Variants in GRIA4 observed in about 807,000 individuals in gnomAD.
GRIA4 encodes the protein glutamate ionotropic receptor AMPA type subunit 4.
In GRIA4, 34 loss-of-function variants were observed where a neutral mutation model predicts 104.0. The observed-to-expected ratio is 0.33, with a 90% CI of 0.25 to 0.44. The LOEUF (loss-of-function observed/expected upper bound fraction) is 0.44, where lower values mean the gene tolerates loss of function less well. GRIA4 is among the 20% of genes least tolerant of loss of function. The pLI is 1.00. For missense variants in GRIA4, 750 were observed against 1,096.5 expected (o/e 0.68, Z 4.46); for synonymous variants, 386 against 381.9 (o/e 1.01, Z -0.13).
At chr11:105,753,316 T>G in intron 4 of GRIA4, 96 bp downstream of exon 4, 62 of 1,050,810 alleles carry the variant, frequency 5.9e-5, no homozygotes, top group Non-Finnish European at 8.6e-5. Context: ...GTTTGATCTC[T>G]AACATCACTA....
chr11:105,631,024 C>T (rs1314239249), intron 3 of GRIA4, among the ~76,000 whole-genome samples: 1 of 152,172 alleles, frequency 6.6e-6, no homozygotes, highest in Non-Finnish European at 1.5e-5. Flanking sequence ...CCCAAAGATT[C>T]TTTCTCACTT....
intron 3 of GRIA4, among the ~76,000 whole-genome samples, chr11:105,740,541 G>A (rs1190911991): frequency 6.6e-6 from 1 of 152,206 alleles, no homozygotes; most frequent in African/African-American, 2.4e-5. Flanking sequence ...ACTTCTTCTT[G>A]TGGAACGTGT....
At position 105,611,456 on chromosome 11, in the gene GRIA4, G is replaced by GA. The variant is rs200157578; in HGVS notation, c.88+381dup. ...AGTGATGTCGAGTTTGTTTAAAAAA[G>GA]AAAAAAAAAATCCACTTCTTCCCAT... On this transcript the variant is annotated intron_variant, in intron 2 of 16. Coordinates refer to ENST00000282499, the MANE Select transcript of GRIA4 (RefSeq NM_000829.4). 5.4e-3 allele frequency among the ~76,000 whole-genome samples: 804 copies of GA among 147,896 alleles called. 3 individuals are homozygous for GA. The highest frequency in any genetic ancestry group is 0.016 in the African/African-American group (658 of 40,336).
chr11:105,961,661 A>T (rs1163354970), intron 14 of GRIA4, among the ~76,000 whole-genome samples: 1 of 152,226 alleles, frequency 6.6e-6, no homozygotes, highest in Non-Finnish European at 1.5e-5. Context: ...AATCTAAAAC[A>T]TTTCCAAAAA....
intron 3 of GRIA4, among the ~76,000 whole-genome samples, chr11:105,638,152 G>A (rs78124801): frequency 2.6e-5 from 4 of 152,100 alleles, no homozygotes; most frequent in African/African-American, 9.7e-5. Context: ...GCAAGAATGC[G>A]ATTATGAAAA....
rs76060628 is a variant in GRIA4 at position 105,767,236 on chromosome 11, G to A, written c.487+14016G>A. 1.8e-3 allele frequency among the ~76,000 whole-genome samples: 278 copies of A among 152,234 alleles called. 6 individuals are homozygous for A. The East Asian group carries it at 0.042, about 23-fold the overall frequency. On this transcript the variant is annotated intron_variant, in intron 4 of 16. Transcript: ENST00000282499. ...TGGGGGAGGGTGGTCAGGAGCTTCT[G>A]AGGCCCGCTAATGAATGATCAGGAA...
chr11:105,774,974 C>T (rs1336295668), intron 4 of GRIA4, among the ~76,000 whole-genome samples: 1 of 152,108 alleles, frequency 6.6e-6, no homozygotes, highest in Non-Finnish European at 1.5e-5. Flanking sequence ...AAATTAGTTT[C>T]GCTAGGCTAA....
In GRIA4 at chr11:105,981,068, T is replaced by C. The variant is rs1436097096; in HGVS notation, c.*1329T>C. On this transcript the variant is annotated 3_prime_UTR_variant, in exon 17 of 17. Coordinates refer to ENST00000282499, the MANE Select transcript of GRIA4 (RefSeq NM_000829.4). Reference sequence around the variant, plus strand: ...ATCATATGAAGGCATTCATAATAGCTTGGGGTAGATAACAAATGAAGAATT... The same window carrying C: ...ATCATATGAAGGCATTCATAATAGCCTGGGGTAGATAACAAATGAAGAATT... 3 of 152,664 alleles carry C rather than the reference T, an allele frequency of 2.0e-5. No individual in the cohort carries two copies. The highest frequency in any genetic ancestry group is 2.0e-4 in the Admixed American group (3 of 15,278). The allele number at this position is 152,664 out of a possible 1,614,324, so 9.5% of individuals were successfully genotyped here. A position where few individuals can be genotyped will look rare whatever the true frequency, so the allele number is the denominator to read the frequency against.
chr11:105,850,166 T>C (rs1179273855), intron 4 of GRIA4, among the ~76,000 whole-genome samples: 1 of 152,152 alleles, frequency 6.6e-6, no homozygotes, highest in Non-Finnish European at 1.5e-5. Context: ...TGATGAAAAA[T>C]AAATAACTTG....
intron 3 of GRIA4, among the ~76,000 whole-genome samples, chr11:105,653,999 C>CAAAAAAAAAAAAAAAAAAAAAAAAAGAAA (rs1951758626): frequency 2.0e-5 from 1 of 50,262 alleles, no homozygotes; most frequent in East Asian, 7.7e-4. Flanking sequence ...ACTATTTAGC[C>CAAAAAAAAAAAAAAAAAAAAAAAAAGAAA]AAAAAAAAAA....
At chr11:105,737,883 T>C (rs1939053910) in intron 3 of GRIA4, among the ~76,000 whole-genome samples, 3 of 152,124 alleles carry the variant, frequency 2.0e-5, no homozygotes, top group Non-Finnish European at 2.9e-5. Context: ...CCAAATTTCA[T>C]CTTTCAAAAA....
intron 3 of GRIA4, among the ~76,000 whole-genome samples, chr11:105,622,302 CACTA>C (rs1016532501): frequency 6.6e-6 from 1 of 151,714 alleles, no homozygotes; most frequent in Non-Finnish European, 1.5e-5. Context: ...ATATTTGTAA[CACTA>C]ACTCTTCTGG....
chr11:105,791,131 T>G (rs1942195941), intron 4 of GRIA4, among the ~76,000 whole-genome samples: 1 of 152,030 alleles, frequency 6.6e-6, no homozygotes, highest in Non-Finnish European at 1.5e-5. Context: ...TTGTTTTGCT[T>G]TTTTCCCCCT....
intron 7 of GRIA4, among the ~76,000 whole-genome samples, chr11:105,898,850 C>T (rs1280230424): frequency 4.0e-5 from 6 of 151,868 alleles, no homozygotes; most frequent in South Asian, 4.1e-4. Context: ...TTCAAATTAA[C>T]GTGAAAAATC....
At chr11:105,868,244 C>T (rs55967742) in intron 5 of GRIA4, among the ~76,000 whole-genome samples, 6,843 of 151,988 alleles carry the variant, frequency 0.045, 210 homozygotes, top group Non-Finnish European at 0.074. Context: ...CAAGACAGAA[C>T]GAACTGTAAA....
At chr11:105,905,373 A>C in intron 9 of GRIA4, 72 bp downstream of exon 9, 2 of 819,334 alleles carry the variant, frequency 2.4e-6, no homozygotes, top group Non-Finnish European at 2.1e-6. Flanking sequence ...AAAGGTGTAC[A>C]GAAGAAAGAT....
chr11:105,756,974 C>T (rs907868466), intron 4 of GRIA4, among the ~76,000 whole-genome samples: 1 of 152,084 alleles, frequency 6.6e-6, no homozygotes, highest in African/African-American at 2.4e-5. Flanking sequence ...GGAGCCAAGC[C>T]AGTGGGAGAG....
intron 3 of GRIA4, among the ~76,000 whole-genome samples, chr11:105,629,451 T>C (rs1368968687): frequency 6.6e-6 from 1 of 151,984 alleles, no homozygotes; most frequent in Non-Finnish European, 1.5e-5. Context: ...ATGGGAAATA[T>C]GTAAGATAAT....
chr11:105,690,798 T>C (rs60909500), intron 3 of GRIA4, among the ~76,000 whole-genome samples: 4,079 of 152,348 alleles, frequency 0.027, 101 homozygotes, highest in African/African-American at 0.065. Flanking sequence ...CAGAGATTTT[T>C]TTTTTAAATT....
Sources: gnomAD v4.1 joint callset for allele counts (sites outside exome capture counted in the v4.1 genomes callset) on GRCh38, gnomAD v4.1.1 for gene constraint, MANE v1.5 for transcripts, NCBI Gene and HGNC (gene_info 2026-07-23, HGNC 2026-07-21) for gene names.